The following NRXN3 variants were observed in gnomAD, a reference collection of about 807,000 sequenced individuals.
The protein encoded by NRXN3 is neurexin III.
NRXN3 carries 32 observed loss-of-function variants against 137.6 expected under a neutral mutation model. The observed-to-expected ratio is 0.23, with a 90% CI of 0.18 to 0.31. NRXN3 has a LOEUF of 0.31. Ranked by LOEUF, NRXN3 falls within the 10% of genes least tolerant of loss-of-function variation. The probability of loss-of-function intolerance (pLI) is 1.00; values close to 1 mark genes in which losing one functional copy is unlikely to be tolerated. For synonymous variants in NRXN3, 798 were observed against 784.5 expected (o/e 1.02, Z -0.29); for missense variants, 1,574 against 2,062.5 (o/e 0.76, Z 4.59).
intron 8 of NRXN3, among the ~76,000 whole-genome samples, chr14:78,752,910 A>G (rs1231703955): frequency 6.6e-6 from 1 of 152,236 alleles, no homozygotes; most frequent in Non-Finnish European, 1.5e-5. Context: ...GGAGATGTCA[A>G]TGAATGTCCT....
intron 10 of NRXN3, among the ~76,000 whole-genome samples, chr14:78,861,161 G>T (rs1170931340): frequency 6.6e-6 from 1 of 152,018 alleles, no homozygotes; most frequent in Non-Finnish European, 1.5e-5. Context: ...ATTATGGAAG[G>T]TAATCACAAC....
chr14:79,663,699 G>C (rs2098545222), intron 16 of NRXN3, 79 bp from the exon 17 acceptor site: 1 of 1,276,514 alleles, frequency 7.8e-7, no homozygotes, highest in Non-Finnish European at 1.1e-6. Flanking sequence ...CAGGTTTATT[G>C]CTGGTTGGAG....
intron 1 of NRXN3, among the ~76,000 whole-genome samples, chr14:78,212,759 T>C (rs1460075861): frequency 6.6e-6 from 1 of 152,224 alleles, no homozygotes; most frequent in East Asian, 1.9e-4. Flanking sequence ...TTAATGGTAA[T>C]AGCCTGCCAT....
intron 16 of NRXN3, among the ~76,000 whole-genome samples, chr14:79,581,849 T>G (rs1248468366): frequency 6.6e-6 from 1 of 152,224 alleles, no homozygotes; most frequent in Non-Finnish European, 1.5e-5. Flanking sequence ...AAACCTGTAT[T>G]ATATTTTTGG....
chr14:79,402,472 G>A (rs911997020), intron 15 of NRXN3, among the ~76,000 whole-genome samples: 1 of 152,180 alleles, frequency 6.6e-6, no homozygotes, highest in Non-Finnish European at 1.5e-5. Flanking sequence ...TATTTTCTAT[G>A]AGACTGTATT....
intron 16 of NRXN3, among the ~76,000 whole-genome samples, chr14:79,476,985 A>C (rs1247676739): frequency 6.6e-6 from 1 of 152,054 alleles, no homozygotes; most frequent in Non-Finnish European, 1.5e-5. Context: ...TTTACTTGGG[A>C]TTGTTGGAGA....
intron 5 of NRXN3, among the ~76,000 whole-genome samples, chr14:78,646,205 A>G (rs1051017958): frequency 1.9e-4 from 29 of 152,230 alleles, no homozygotes; most frequent in Non-Finnish European, 7.3e-5. Flanking sequence ...ACATTCTCAG[A>G]AAGCCTTAGC....
At chr14:78,630,891 C>T (rs753268165) in intron 4 of NRXN3, among the ~76,000 whole-genome samples, 13 of 152,194 alleles carry the variant, frequency 8.5e-5, no homozygotes, top group Admixed American at 2.0e-4. Flanking sequence ...AGACGTGAGC[C>T]GCTGCACCCG....
chr14:78,700,463 G>T (rs1006386905), intron 6 of NRXN3, among the ~76,000 whole-genome samples: 2 of 152,136 alleles, frequency 1.3e-5, no homozygotes, highest in East Asian at 1.9e-4. Flanking sequence ...GCACATATTT[G>T]CCAACATGGC....
At chr14:78,684,718 C>T (rs1276128706) in intron 6 of NRXN3, among the ~76,000 whole-genome samples, 2 of 152,120 alleles carry the variant, frequency 1.3e-5, no homozygotes, top group African/African-American at 4.8e-5. Context: ...CCATTGAGCC[C>T]ACAAGTTCGA....
intron 8 of NRXN3, among the ~76,000 whole-genome samples, chr14:78,773,143 A>G (rs546561695): frequency 6.6e-6 from 1 of 152,286 alleles, no homozygotes; most frequent in African/African-American, 2.4e-5. Flanking sequence ...GTTACACTGT[A>G]ATGGGCAAAA....
chr14:79,447,687 A>G (rs917114559), intron 15 of NRXN3, among the ~76,000 whole-genome samples: 3 of 152,220 alleles, frequency 2.0e-5, no homozygotes, highest in African/African-American at 7.2e-5. Context: ...TCATTCTGTC[A>G]TTGGATAGCT....
At chr14:78,269,485 T>C (rs2072358517) in intron 2 of NRXN3, among the ~76,000 whole-genome samples, 1 of 152,138 alleles carries the variant, frequency 6.6e-6, no homozygotes, top group African/African-American at 2.4e-5. Flanking sequence ...GAGTTTCAAT[T>C]TTGCAAGATG....
intron 11 of NRXN3, among the ~76,000 whole-genome samples, chr14:78,959,576 A>C (rs1002168034): frequency 1.3e-5 from 2 of 152,146 alleles, no homozygotes; most frequent in Non-Finnish European, 2.9e-5. Context: ...GACAAACAGA[A>C]CCACCACAAC....
intron 10 of NRXN3, among the ~76,000 whole-genome samples, chr14:78,882,388 C>G (rs1356566101): frequency 6.6e-6 from 1 of 151,780 alleles, no homozygotes; most frequent in East Asian, 1.9e-4. Context: ...TCAACAGCAG[C>G]CATGAAAGCA....
At chr14:78,340,922 G>T (rs181865519) in intron 4 of NRXN3, among the ~76,000 whole-genome samples, 1 of 152,252 alleles carries the variant, frequency 6.6e-6, no homozygotes, top group African/African-American at 2.4e-5. Context: ...ATAAACGATA[G>T]CAAGCTTTCC....
chr14:79,497,109 T>C (rs1438217328), intron 16 of NRXN3, among the ~76,000 whole-genome samples: 3 of 152,160 alleles, frequency 2.0e-5, no homozygotes, highest in African/African-American at 7.2e-5. Context: ...GACCTTGGGT[T>C]CTTAACTCTA....
chr14:79,062,859 G>A (rs2099675905), intron 15 of NRXN3, among the ~76,000 whole-genome samples: 1 of 152,134 alleles, frequency 6.6e-6, no homozygotes, highest in Admixed American at 6.6e-5. Flanking sequence ...CCAAGTCTCT[G>A]GGTGTTGTGA....
intron 10 of NRXN3, among the ~76,000 whole-genome samples, chr14:78,921,109 A>G (rs545124981): frequency 3.3e-5 from 5 of 152,306 alleles, no homozygotes; most frequent in Admixed American, 2.6e-4. Context: ...CCTCATCCTA[A>G]AGCAAAAAGC....
Sources: allele counts gnomAD v4.1 joint callset (sites outside exome capture counted in the v4.1 genomes callset), GRCh38; gene constraint gnomAD v4.1.1; transcripts MANE v1.5; gene names NCBI Gene and HGNC (gene_info 2026-07-23, HGNC 2026-07-21).